The following MATCAP2 variants were observed in gnomAD, a reference collection of about 807,000 sequenced individuals.
MATCAP2 encodes microtubule associated tyrosine carboxypeptidase 2.
the MATCAP2 span, among the ~76,000 whole-genome samples, chr7:36,370,398 A>G: frequency 6.6e-6 from 1 of 152,216 alleles, no homozygotes; most frequent in Non-Finnish European, 1.5e-5. Context: ...ACTTAATTAT[A>G]TTACTGCTCC....
At chr7:36,357,484 T>G in the MATCAP2 span, 2 of 1,614,082 alleles carry the variant, frequency 1.2e-6, no homozygotes, top group Non-Finnish European at 1.7e-6. Context: ...CTTTTAGCAC[T>G]CCCGAGGACA....
the MATCAP2 span, among the ~76,000 whole-genome samples, chr7:36,386,439 A>ATGTG: frequency 6.4e-5 from 8 of 124,294 alleles, no homozygotes; most frequent in African/African-American, 6.7e-5. Flanking sequence ...GTGTATGTGT[A>ATGTG]TGTGTGTATG....
At chr7:36,389,849 G>A in the MATCAP2 span, 1 of 1,165,686 alleles carries the variant, frequency 8.6e-7, no homozygotes, top group Admixed American at 2.1e-5. Flanking sequence ...AAATTTGAAC[G>A]GCTGCAGAGG....
At chr7:36,379,593 T>A in the MATCAP2 span, among the ~76,000 whole-genome samples, 2 of 152,062 alleles carry the variant, frequency 1.3e-5, no homozygotes, top group Non-Finnish European at 2.9e-5. Context: ...TATGTATGTA[T>A]ATATGTAAAT....
At chr7:36,380,256 C>T in the MATCAP2 span, among the ~76,000 whole-genome samples, 1 of 152,270 alleles carries the variant, frequency 6.6e-6, no homozygotes, top group Non-Finnish European at 1.5e-5. Context: ...GAGTGCTTTC[C>T]TTGGCACTGA....
chr7:36,386,253 G>A, the MATCAP2 span, among the ~76,000 whole-genome samples: 1 of 152,114 alleles, frequency 6.6e-6, no homozygotes, highest in Non-Finnish European at 1.5e-5. Flanking sequence ...AAGACAACTG[G>A]TTATCCATAC....
At chr7:36,341,074 T>G in the MATCAP2 span, among the ~76,000 whole-genome samples, 1 of 152,198 alleles carries the variant, frequency 6.6e-6, no homozygotes, top group African/African-American at 2.4e-5. Context: ...AATATGTTAG[T>G]GCTATGATCA....
At chr7:36,332,491 C>G in the MATCAP2 span, among the ~76,000 whole-genome samples, 2 of 152,192 alleles carry the variant, frequency 1.3e-5, no homozygotes, top group Non-Finnish European at 2.9e-5. Context: ...TTTCCTGCTT[C>G]CTATCTTCCC....
chr7:36,381,010 G>A, the MATCAP2 span, among the ~76,000 whole-genome samples: 3 of 152,274 alleles, frequency 2.0e-5, no homozygotes, highest in Admixed American at 6.5e-5. Flanking sequence ...ATTGAGCTAC[G>A]TATGAGGCAT....
the MATCAP2 span, chr7:36,357,024 T>C: frequency 6.2e-7 from 1 of 1,614,198 alleles, no homozygotes; most frequent in Non-Finnish European, 8.5e-7. Flanking sequence ...AGTTTTTCTT[T>C]CTCTAAGTTG....
At chr7:36,383,487 A>G in the MATCAP2 span, among the ~76,000 whole-genome samples, 2 of 152,246 alleles carry the variant, frequency 1.3e-5, no homozygotes, top group South Asian at 4.2e-4. Flanking sequence ...GCAGCCATAA[A>G]AAAGGATGAG....
chr7:36,368,843 G>A, the MATCAP2 span, among the ~76,000 whole-genome samples: 191 of 152,120 alleles, frequency 1.3e-3, no homozygotes, highest in African/African-American at 3.7e-3. Flanking sequence ...TCCTCCCTGC[G>A]TGGAATGTTC....
At chr7:36,336,026 T>G in the MATCAP2 span, 1 of 574,894 alleles carries the variant, frequency 1.7e-6, no homozygotes, top group East Asian at 3.8e-5. Flanking sequence ...GAGCCGAGAT[T>G]CACCACTGCA....
At chr7:36,379,041 C>T in the MATCAP2 span, among the ~76,000 whole-genome samples, 443 of 152,374 alleles carry the variant, frequency 2.9e-3, 4 homozygotes, top group African/African-American at 0.01. Flanking sequence ...AATCCCCTGA[C>T]CCCTTGCACT....
the MATCAP2 span, among the ~76,000 whole-genome samples, chr7:36,344,814 G>C: frequency 6.6e-6 from 1 of 152,188 alleles, no homozygotes; most frequent in African/African-American, 2.4e-5. Context: ...GGAACAGAGA[G>C]CCACTTCCCT....
At chr7:36,345,208 T>C in the MATCAP2 span, among the ~76,000 whole-genome samples, 4 of 152,210 alleles carry the variant, frequency 2.6e-5, no homozygotes, top group Non-Finnish European at 5.9e-5. Context: ...TTTGCCTTTT[T>C]AAAAACATTG....
the MATCAP2 span, among the ~76,000 whole-genome samples, chr7:36,370,871 A>G: frequency 6.6e-6 from 1 of 152,236 alleles, no homozygotes; most frequent in African/African-American, 2.4e-5. Context: ...TTCAATAATA[A>G]CCAAAAATGC....
At chr7:36,390,141 A>G in the MATCAP2 span, 2 of 1,595,146 alleles carry the variant, frequency 1.3e-6, no homozygotes, top group Non-Finnish European at 1.7e-6. Context: ...CACCGGGCGG[A>G]GGGCGCGTGT....
chr7:36,350,344 T>C, the MATCAP2 span, among the ~76,000 whole-genome samples: 1 of 152,200 alleles, frequency 6.6e-6, no homozygotes, highest in African/African-American at 2.4e-5. Flanking sequence ...CCATTCACAC[T>C]ATAAACGCTA....
Sources: allele counts gnomAD v4.1 joint callset (sites outside exome capture counted in the v4.1 genomes callset), GRCh38; gene constraint gnomAD v4.1.1; transcripts MANE v1.5; gene names NCBI Gene and HGNC (gene_info 2026-07-23, HGNC 2026-07-21).